LRRC49: variants seen among roughly 807,000 people sequenced by gnomAD.
LRRC49 encodes leucine-rich repeat-containing protein 49.
LRRC49 carries 50 observed loss-of-function variants against 83.3 expected under a neutral mutation model. The observed-to-expected ratio is 0.60, with a 90% CI of 0.48 to 0.76. The LOEUF (loss-of-function observed/expected upper bound fraction) is 0.76. LRRC49 is among the 30% of genes least tolerant of loss of function. The probability of loss-of-function intolerance (pLI) is 0.00; values close to 1 mark genes in which losing one functional copy is unlikely to be tolerated. For synonymous variants in LRRC49, 286 were observed against 283.3 expected, an observed-to-expected ratio of 1.01 and a Z score of -0.10; for missense variants, 704 against 809.1, an observed-to-expected ratio of 0.87 and a Z score of 1.58.
chr15:70,970,521 C>G (rs1477709987), intron 9 of LRRC49, among the ~76,000 whole-genome samples: 3 of 152,130 alleles, frequency 2.0e-5, no homozygotes, highest in Non-Finnish European at 4.4e-5. Flanking sequence ...GGAGGAGTCC[C>G]TCTTTTTCTA....
chr15:71,002,010 C>T (rs1384661543), intron 11 of LRRC49, among the ~76,000 whole-genome samples: 3 of 152,112 alleles, frequency 2.0e-5, no homozygotes, highest in Non-Finnish European at 4.4e-5. Context: ...CTATTTTTAT[C>T]TGAAAGTACA....
intron 9 of LRRC49, among the ~76,000 whole-genome samples, chr15:70,968,445 G>A (rs930823660): frequency 8.5e-5 from 13 of 152,126 alleles, no homozygotes; most frequent in Non-Finnish European, 1.6e-4. Flanking sequence ...ATAAACATAC[G>A]TATGCATGTG....
At chr15:70,943,479 G>A (rs1335382325) in intron 8 of LRRC49, among the ~76,000 whole-genome samples, 4 of 152,176 alleles carry the variant, frequency 2.6e-5, no homozygotes, top group Non-Finnish European at 2.9e-5. Context: ...TTGATTTAGA[G>A]TTTTATACGT....
intron 11 of LRRC49, among the ~76,000 whole-genome samples, chr15:70,989,914 TG>T (rs2037794550): frequency 1.3e-5 from 2 of 152,192 alleles, no homozygotes; most frequent in African/African-American, 2.4e-5. Flanking sequence ...CCTGTTTGCC[TG>T]GGTACCAGCA....
At chr15:70,939,535 G>A (rs564960558) in intron 8 of LRRC49, among the ~76,000 whole-genome samples, 3 of 152,134 alleles carry the variant, frequency 2.0e-5, no homozygotes, top group Non-Finnish European at 4.4e-5. Flanking sequence ...TAAGGATCTT[G>A]CCCATAATTT....
intron 2 of LRRC49, among the ~76,000 whole-genome samples, chr15:70,883,476 G>A (rs2033321434): frequency 6.6e-6 from 1 of 152,026 alleles, no homozygotes; most frequent in Non-Finnish European, 1.5e-5. Flanking sequence ...TTACAGGCGT[G>A]AGGCACCTCG....
intron 6 of LRRC49, among the ~76,000 whole-genome samples, chr15:70,912,700 G>A (rs1350905016): frequency 6.6e-6 from 1 of 150,972 alleles, no homozygotes; most frequent in Non-Finnish European, 1.5e-5. Context: ...TTTTTGAGAC[G>A]GAGTCTTGCT....
intron 1 of LRRC49, among the ~76,000 whole-genome samples, chr15:70,855,379 A>G (rs2032631434): frequency 6.6e-6 from 1 of 152,126 alleles, no homozygotes; most frequent in Non-Finnish European, 1.5e-5. Context: ...GAAGGAAAGA[A>G]GAAAAAGAAA....
intron 5 of LRRC49, among the ~76,000 whole-genome samples, chr15:70,906,568 A>G (rs147369940): frequency 9.9e-5 from 15 of 152,270 alleles, no homozygotes; most frequent in African/African-American, 3.1e-4. Context: ...CCTGGTTCCT[A>G]CCATTTTAAG....
chr15:70,880,989 C>T (rs754984099), intron 2 of LRRC49, among the ~76,000 whole-genome samples: 3 of 152,212 alleles, frequency 2.0e-5, no homozygotes, highest in East Asian at 1.9e-4. Context: ...TCTGGGAGAC[C>T]GAGGTGGCAG....
chr15:71,029,919 A>T (rs2039295840), intron 14 of LRRC49, among the ~76,000 whole-genome samples: 1 of 152,062 alleles, frequency 6.6e-6, no homozygotes, highest in East Asian at 1.9e-4. Flanking sequence ...GTGTCTCTGC[A>T]TGTGAGATGG....
At chr15:70,883,207 T>C (rs2033311894) in intron 2 of LRRC49, among the ~76,000 whole-genome samples, 1 of 152,192 alleles carries the variant, frequency 6.6e-6, no homozygotes, top group African/African-American at 2.4e-5. Flanking sequence ...CTTTTTTTTT[T>C]TGAGATGGAG....
At chr15:70,903,501 A>G (rs2034171495) in intron 4 of LRRC49, among the ~76,000 whole-genome samples, 1 of 152,162 alleles carries the variant, frequency 6.6e-6, no homozygotes, top group African/African-American at 2.4e-5. Context: ...GTTAGCCATT[A>G]ACATTCAGTT....
chr15:70,910,460 G>A (rs749284824), intron 5 of LRRC49, among the ~76,000 whole-genome samples: 25 of 152,114 alleles, frequency 1.6e-4, no homozygotes, highest in Non-Finnish European at 3.2e-4. Flanking sequence ...CAGAGAGGTG[G>A]AAGTGGTTCT....
chr15:70,891,793 C>T (rs778263705), upstream of LRRC49: 12 of 1,452,712 alleles, frequency 8.3e-6, no homozygotes, highest in Non-Finnish European at 1.1e-5. Flanking sequence ...AGTGGAGGAG[C>T]CCAGCCAGAG....
At chr15:71,017,103 C>G (rs1420307257) in intron 14 of LRRC49, among the ~76,000 whole-genome samples, 2 of 152,068 alleles carry the variant, frequency 1.3e-5, no homozygotes, top group African/African-American at 4.8e-5. Flanking sequence ...AGAGCAAGAC[C>G]CTGTCTCTAA....
chr15:70,857,311 G>C (rs1385903077), intron 1 of LRRC49, among the ~76,000 whole-genome samples: 1 of 152,102 alleles, frequency 6.6e-6, no homozygotes, highest in Non-Finnish European at 1.5e-5. Context: ...CAAGGACTTG[G>C]AATAAGATAT....
chr15:70,987,358 T>C (rs1486633447), intron 11 of LRRC49, among the ~76,000 whole-genome samples: 1 of 152,244 alleles, frequency 6.6e-6, no homozygotes, highest in Non-Finnish European at 1.5e-5. Context: ...CCTGGTTTAA[T>C]CTTGGGAGGG....
At chr15:70,978,665 C>T (rs922682098) in intron 9 of LRRC49, among the ~76,000 whole-genome samples, 9 of 152,084 alleles carry the variant, frequency 5.9e-5, no homozygotes, top group Non-Finnish European at 1.0e-4. Context: ...ATATGTCTAC[C>T]ATTTGATACA....
Sources: gnomAD v4.1 joint callset for allele counts (sites outside exome capture counted in the v4.1 genomes callset) on GRCh38, gnomAD v4.1.1 for gene constraint, MANE v1.5 for transcripts, NCBI Gene and HGNC (gene_info 2026-07-23, HGNC 2026-07-21) for gene names.